The following PTPRD variants were observed in gnomAD, a reference collection of about 807,000 sequenced individuals.
The protein encoded by PTPRD is receptor-type tyrosine-protein phosphatase delta.
Under a neutral mutation model 214.5 loss-of-function variants are expected in PTPRD, and 34 were observed. The ratio of observed to expected loss-of-function variants is 0.16; its 90% confidence interval spans 0.12 to 0.21. PTPRD has a LOEUF of 0.21. Among genes scored for constraint, PTPRD ranks in the 10% least tolerant of loss-of-function variants. The pLI is 1.00. For missense variants in PTPRD, 2,545 were observed against 2,398.7 expected, an observed-to-expected ratio of 1.06 and a Z score of -1.27; for synonymous variants, 1,128 against 845.7, an observed-to-expected ratio of 1.33 and a Z score of -5.79.
At chr9:10,241,862 G>C (rs2091130881) in intron 3 of PTPRD, among the ~76,000 whole-genome samples, 1 of 151,880 alleles carries the variant, frequency 6.6e-6, no homozygotes, top group Non-Finnish European at 1.5e-5. Context: ...CTGCAATAAA[G>C]CTGTAAAGTT....
intron 2 of PTPRD, among the ~76,000 whole-genome samples, chr9:10,577,820 C>CA (rs2070001563): frequency 1.3e-5 from 2 of 151,594 alleles, no homozygotes; most frequent in African/African-American, 4.8e-5. Flanking sequence ...CTTCAAATTA[C>CA]AAAAAGCAAT....
intron 4 of PTPRD, among the ~76,000 whole-genome samples, chr9:9,966,330 T>A (rs1389134960): frequency 6.6e-6 from 1 of 152,192 alleles, no homozygotes; most frequent in East Asian, 1.9e-4. Context: ...CTTTCTAGGT[T>A]CATAGACCTC....
chr9:9,540,705 T>G (rs1381394841), intron 8 of PTPRD, among the ~76,000 whole-genome samples: 1 of 151,856 alleles, frequency 6.6e-6, no homozygotes, highest in Non-Finnish European at 1.5e-5. Flanking sequence ...ATTTGTCGAT[T>G]TGGTGACAGG....
At chr9:9,623,323 C>T (rs1290546818) in intron 7 of PTPRD, among the ~76,000 whole-genome samples, 1 of 152,158 alleles carries the variant, frequency 6.6e-6, no homozygotes, top group Non-Finnish European at 1.5e-5. Flanking sequence ...ACTTCTTTAA[C>T]TCCTATCAAT....
At chr9:8,612,504 T>C (rs1194061695) in intron 14 of PTPRD, among the ~76,000 whole-genome samples, 1 of 152,182 alleles carries the variant, frequency 6.6e-6, no homozygotes, top group Non-Finnish European at 1.5e-5. Flanking sequence ...ATTAAGGTGT[T>C]AGAAGCAAAT....
At position 8,344,116 on chromosome 9, in the gene PTPRD, T is replaced by C. The variant is rs142275203; in HGVS notation, c.4662-2138A>G. On this transcript the variant is annotated intron_variant, in intron 39 of 45. Coordinates refer to ENST00000381196, the MANE Select transcript of PTPRD (RefSeq NM_002839.4). ...CTTTCTGGGTTTCTTTCAAACTCCA[T>C]GTTTGGCAGGTCCTGAGACTCCAAG... is the stretch of plus-strand genomic sequence containing the variant. Among the ~76,000 whole-genome samples, 27 of 152,200 alleles carry C rather than the reference T, an allele frequency of 1.8e-4. No homozygotes were observed. In the East Asian group the frequency reaches 4.8e-3, roughly 27 times the overall value.
intron 9 of PTPRD, among the ~76,000 whole-genome samples, chr9:9,324,604 T>A (rs1219411636): frequency 6.6e-6 from 1 of 152,346 alleles, no homozygotes; most frequent in East Asian, 1.9e-4. Flanking sequence ...CTTTGACAGA[T>A]AGGTAGATTG....
intron 12 of PTPRD, 117 bp from the exon 13 acceptor site, chr9:8,636,961 A>T (rs1385780429): frequency 9.1e-6 from 9 of 991,180 alleles, no homozygotes; most frequent in Non-Finnish European, 1.5e-6. Flanking sequence ...ATACATTTTT[A>T]CAATGCACTA....
At chr9:9,771,178 T>C (rs1262180945) in intron 5 of PTPRD, among the ~76,000 whole-genome samples, 2 of 152,186 alleles carry the variant, frequency 1.3e-5, no homozygotes, top group Non-Finnish European at 2.9e-5. Context: ...TTATTAACTA[T>C]TAGTATCTAA....
intron 9 of PTPRD, among the ~76,000 whole-genome samples, chr9:9,380,811 T>G (rs988474976): frequency 6.6e-6 from 1 of 152,168 alleles, no homozygotes; most frequent in Non-Finnish European, 1.5e-5. Context: ...TTCTTCCATT[T>G]CTCCTTATAA....
chr9:8,698,821 T>C (rs2097996594), intron 12 of PTPRD, among the ~76,000 whole-genome samples: 1 of 152,212 alleles, frequency 6.6e-6, no homozygotes, highest in South Asian at 2.1e-4. Flanking sequence ...TCCTATCCTT[T>C]GTTTTTCCTG....
intron 10 of PTPRD, among the ~76,000 whole-genome samples, chr9:9,098,108 T>A (rs2099786261): frequency 6.6e-6 from 1 of 152,030 alleles, no homozygotes; most frequent in Non-Finnish European, 1.5e-5. Context: ...TTATAAAAAA[T>A]TAGCAAATGT....
chr9:9,858,257 T>A (rs544884418), intron 5 of PTPRD, among the ~76,000 whole-genome samples: 1 of 152,274 alleles, frequency 6.6e-6, no homozygotes, highest in South Asian at 2.1e-4. Flanking sequence ...AGCAGACAAA[T>A]GTGGACAATA....
intron 4 of PTPRD, among the ~76,000 whole-genome samples, chr9:10,014,896 A>G (rs1012085932): frequency 1.3e-5 from 2 of 152,084 alleles, no homozygotes; most frequent in Non-Finnish European, 2.9e-5. Context: ...TTTATGGGGC[A>G]TTTAAAAACC....
At chr9:9,242,601 T>C (rs1415018524) in intron 9 of PTPRD, among the ~76,000 whole-genome samples, 1 of 152,170 alleles carries the variant, frequency 6.6e-6, no homozygotes, top group Non-Finnish European at 1.5e-5. Flanking sequence ...TGATCTTCCA[T>C]CACTGATACC....
chr9:9,304,433 T>A (rs908546134), intron 9 of PTPRD, among the ~76,000 whole-genome samples: 4 of 152,102 alleles, frequency 2.6e-5, no homozygotes, highest in African/African-American at 9.7e-5. Context: ...CATTTGCAAC[T>A]TTTATTCTCT....
At chr9:8,664,485 G>C (rs886573810) in intron 12 of PTPRD, among the ~76,000 whole-genome samples, 2 of 152,122 alleles carry the variant, frequency 1.3e-5, no homozygotes, top group East Asian at 1.9e-4. Flanking sequence ...ATATCAAACT[G>C]CACACCAAGA....
chr9:8,691,515 G>A (rs1338234975), intron 12 of PTPRD, among the ~76,000 whole-genome samples: 2 of 152,068 alleles, frequency 1.3e-5, no homozygotes, highest in African/African-American at 2.4e-5. Flanking sequence ...AACCTCTCCT[G>A]GTTGGTCAGA....
chr9:9,893,928 T>C (rs1215781617), intron 5 of PTPRD, among the ~76,000 whole-genome samples: 1 of 151,982 alleles, frequency 6.6e-6, no homozygotes, highest in Non-Finnish European at 1.5e-5. Context: ...TCCTCCTGTC[T>C]CAACCTTTTG....
Sources: gnomAD v4.1 joint callset for allele counts (sites outside exome capture counted in the v4.1 genomes callset) on GRCh38, gnomAD v4.1.1 for gene constraint, MANE v1.5 for transcripts, NCBI Gene and HGNC (gene_info 2026-07-23, HGNC 2026-07-21) for gene names.